The following CCDC175 variants were observed in gnomAD, a reference collection of about 807,000 sequenced individuals.
CCDC175 encodes coiled-coil domain-containing protein 175.
A neutral mutation model predicts 114.6 loss-of-function variants in CCDC175; 100 were observed. The ratio of observed to expected loss-of-function variants is 0.87; its 90% CI spans 0.74 to 1.03. The LOEUF is 1.03. Ranked by LOEUF, CCDC175 falls within the 50% of genes least tolerant of loss-of-function variation. CCDC175 has a pLI of 0.00. For synonymous variants in CCDC175, 306 were observed against 308.7 expected (o/e 0.99, Z 0.09); for missense variants, 880 against 917.8 (o/e 0.96, Z 0.53).
intron 7 of CCDC175, among the ~76,000 whole-genome samples, chr14:59,556,323 T>TA (rs1258656459): frequency 6.6e-6 from 1 of 152,176 alleles, no homozygotes; most frequent in Non-Finnish European, 1.5e-5. Context: ...TACAACCATC[T>TA]AATCTTTGAC....
intron 8 of CCDC175, 40 bp downstream of exon 8, chr14:59,551,315 T>C: frequency 2.2e-6 from 2 of 900,388 alleles, no homozygotes; most frequent in Non-Finnish European, 3.2e-6. Flanking sequence ...AAAAATGAAA[T>C]GTAATTATAA....
intron 17 of CCDC175, among the ~76,000 whole-genome samples, chr14:59,519,925 G>A: frequency 6.6e-6 from 1 of 152,320 alleles, no homozygotes; most frequent in Non-Finnish European, 1.5e-5. Context: ...TCTGGCCAAT[G>A]GCCTCCCTCG....
At chr14:59,515,321 A>G (rs1893010333) in intron 17 of CCDC175, among the ~76,000 whole-genome samples, 2 of 152,254 alleles carry the variant, frequency 1.3e-5, no homozygotes, top group African/African-American at 2.4e-5. Context: ...TAACAATATT[A>G]GCCTTAAATG....
intron 7 of CCDC175, among the ~76,000 whole-genome samples, chr14:59,555,720 T>C (rs573177532): frequency 1.1e-3 from 163 of 152,262 alleles, no homozygotes; most frequent in Middle Eastern, 6.8e-3. Flanking sequence ...AAAACCCCAT[T>C]GTCTCAGCCC....
At chr14:59,521,941 T>C (rs1040483741) in intron 16 of CCDC175, among the ~76,000 whole-genome samples, 4 of 152,354 alleles carry the variant, frequency 2.6e-5, no homozygotes, top group African/African-American at 9.6e-5. Flanking sequence ...CAAAAGAAAT[T>C]AGAAGGTGTT....
At chr14:59,516,860 C>T (rs1011277508) in intron 17 of CCDC175, among the ~76,000 whole-genome samples, 4 of 152,056 alleles carry the variant, frequency 2.6e-5, no homozygotes, top group African/African-American at 9.6e-5. Context: ...AGCAGAGACA[C>T]AACAAAAAAA....
At chr14:59,510,614 C>T (rs566602121) in intron 19 of CCDC175, 32 bp downstream of exon 19, 107 of 1,534,280 alleles carry the variant, frequency 7.0e-5, no homozygotes, top group Admixed American at 2.0e-5. Flanking sequence ...GCAGGAAGTC[C>T]CATGTTACCA....
At chr14:59,514,191 G>C (rs780028767) in intron 17 of CCDC175, among the ~76,000 whole-genome samples, 24 of 152,136 alleles carry the variant, frequency 1.6e-4, no homozygotes, top group Non-Finnish European at 3.5e-4. Flanking sequence ...AAGACCAAAG[G>C]TAGATAAAAC....
chr14:59,565,711 T>TA (rs745434775), intron 4 of CCDC175, among the ~76,000 whole-genome samples: 8,223 of 145,712 alleles, frequency 0.056, 288 homozygotes, highest in Non-Finnish European at 0.079. Context: ...TGTCTGAAAT[T>TA]AAAAAAAAAA....
chr14:59,525,355 T>A lies in CCDC175; in HGVS notation c.1922A>T (p.Asn641Ile). The change falls in exon 16 of 20, where the codon AAC becomes ATC. Residue 641 changes from asparagine to isoleucine, a missense_variant. Asn to Ile is a moderately radical substitution (Grantham distance 149, BLOSUM62 -3). Transcript: ENST00000537690. Reference protein sequence around the residue: ...KNKDHFETLKNLENGFYINDQ... With the variant: ...KNKDHFETLKILENGFYINDQ... ...ATTTATATAGAATCCATTTTCTAAG[T>A]TCTTTAGAGTTTCAAAATGATCTTT... 1 of 1,514,544 alleles carries A rather than the reference T, an allele frequency of 6.6e-7. No individual in the cohort carries two copies. Among genetic ancestry groups the A allele is most frequent in the Non-Finnish European group, 8.8e-7 (1 of 1,138,088 alleles). 93.8% of individuals were successfully genotyped at this position (1,514,544 alleles called of 1,614,324 possible). A position where few individuals can be genotyped will look rare whatever the true frequency, so the allele number is the denominator to read the frequency against.
chr14:59,576,770 G>A lies in CCDC175; in HGVS notation c.6C>T (p.Ala2=), dbSNP rs1218491145. 6.9e-7 allele frequency: 1 copy of A among 1,440,628 alleles called. No individual in the cohort carries two copies. Among genetic ancestry groups the A allele is most frequent in the South Asian group, 1.4e-5 (1 of 69,898 alleles). 89.2% of individuals were successfully genotyped at this position (1,440,628 alleles called of 1,614,324 possible). ...CCAGCCCTGGGGTCCAGGGGCTCAG[G>A]GCCATTTTGCCGCTCTACTTGAGCG... M[A]LSPWTPGLGA... The change falls in exon 1 of 20, where the codon GCC becomes GCT. Residue 2 remains alanine, a synonymous_variant. Transcript: ENST00000537690.
chr14:59,511,161 G>A (rs1157842393), intron 18 of CCDC175, among the ~76,000 whole-genome samples: 1 of 152,192 alleles, frequency 6.6e-6, no homozygotes, highest in African/African-American at 2.4e-5. Context: ...GATCTGGGTT[G>A]TAAATTCCCA....
intron 13 of CCDC175, among the ~76,000 whole-genome samples, chr14:59,536,023 G>T (rs1894374657): frequency 6.6e-6 from 1 of 152,184 alleles, no homozygotes; most frequent in East Asian, 1.9e-4. Flanking sequence ...GCTCCCCAGA[G>T]AGAGTTTGTC....
rs1894888481 is a variant in CCDC175 at position 59,543,131 on chromosome 14, G to A, written c.1283+213C>T. Among the ~76,000 whole-genome samples, 3 of 152,022 alleles carry A rather than the reference G, an allele frequency of 2.0e-5. No homozygotes were observed. The South Asian group carries it at 6.2e-4, about 32-fold the overall frequency. On this transcript the variant is annotated intron_variant, in intron 10 of 19. Coordinates refer to ENST00000537690, the MANE Select transcript of CCDC175 (RefSeq NM_001164399.2). ...CTGCACCCCAACTGGTCCATTCCTG[G>A]GGCCCAGGAGCTCCCATAGAATTCA...
rs776171365 is a variant in CCDC175 at position 59,538,099 on chromosome 14, G to T, written c.1547C>A (p.Thr516Lys). 9 of 1,532,724 alleles carry T rather than the reference G, an allele frequency of 5.9e-6. No individual in the cohort carries two copies. In the African/African-American group the frequency reaches 9.6e-5, roughly 16 times the overall value. 94.9% of individuals were successfully genotyped at this position (1,532,724 alleles called of 1,614,324 possible). A position where few individuals can be genotyped will look rare whatever the true frequency, so the allele number is the denominator to read the frequency against. ...TTTCTCCTCTTCTTTTAATTCTGTTGTAAGTTTTTCAATCTGTGCCACAAA... is the reference window on the plus strand; with the variant it reads ...TTTCTCCTCTTCTTTTAATTCTGTTTTAAGTTTTTCAATCTGTGCCACAAA... The part of the protein sequence containing the change: ...SGFVAQIEKL[T>K]TELKEEEKAF... Residue 516 changes from threonine (T) to lysine (K), a missense_variant, in exon 13 of 20, where the codon ACA becomes AAA. Thr to Lys is a moderately conservative substitution (Grantham distance 78, BLOSUM62 -1). Transcript: ENST00000537690.
At position 59,574,972 on chromosome 14, in the gene CCDC175, T is replaced by C; in HGVS notation, c.214A>G (p.Lys72Glu). 6.6e-7 allele frequency: 1 copy of C among 1,515,736 alleles called. No homozygotes were observed. Among genetic ancestry groups the C allele is most frequent in the Non-Finnish European group, 8.8e-7 (1 of 1,131,336 alleles). The allele number at this position is 1,515,736 out of a possible 1,614,324, so 93.9% of individuals were successfully genotyped here. Reference protein sequence around the residue: ...KCNEEAKIFLKDIAVAVKKLE... With the variant: ...KCNEEAKIFLEDIAVAVKKLE... ...TTCTTAACAGCTACAGCAATGTCCT[T>C]AAGAAAGATCTTAGCTTCTTCATTA... is the stretch of plus-strand genomic sequence containing the variant. Residue 72 changes from lysine (K) to glutamate (E), a missense_variant, in exon 2 of 20, where the codon AAG becomes GAG. Lys to Glu is a moderately conservative substitution (Grantham distance 56, BLOSUM62 1). Coordinates refer to ENST00000537690, the MANE Select transcript of CCDC175 (RefSeq NM_001164399.2).
intron 17 of CCDC175, among the ~76,000 whole-genome samples, chr14:59,518,876 T>G (rs918061057): frequency 4.6e-5 from 7 of 152,232 alleles, no homozygotes; most frequent in Non-Finnish European, 8.8e-5. Flanking sequence ...CATGTATGTT[T>G]ATTGTGGCAC....
chr14:59,507,211 T>C (rs541557712), intron 19 of CCDC175, among the ~76,000 whole-genome samples: 4 of 152,218 alleles, frequency 2.6e-5, no homozygotes, highest in Non-Finnish European at 5.9e-5. Flanking sequence ...GCCTTGCTAC[T>C]TGGCAGTTCT....
chr14:59,529,749 C>T (rs536531705), intron 14 of CCDC175, among the ~76,000 whole-genome samples: 155 of 151,964 alleles, frequency 1.0e-3, no homozygotes, highest in Non-Finnish European at 1.8e-3. Context: ...CCTTTATATA[C>T]ATATTTGGGA....
Sources: allele counts gnomAD v4.1 joint callset (sites outside exome capture counted in the v4.1 genomes callset), GRCh38; gene constraint gnomAD v4.1.1; transcripts MANE v1.5; gene names NCBI Gene and HGNC (gene_info 2026-07-23, HGNC 2026-07-21).